The following MTMR12 variants were observed in gnomAD, a reference collection of about 807,000 sequenced individuals.
The protein encoded by MTMR12 is myotubularin related protein 12, also known as myotubularin-related protein 12.
A neutral mutation model predicts 96.7 loss-of-function variants in MTMR12; 33 were observed. The ratio of observed to expected loss-of-function variants is 0.34; its 90% CI spans 0.26 to 0.46. MTMR12 has a LOEUF of 0.46. Ranked by LOEUF, MTMR12 falls within the 20% of genes least tolerant of loss-of-function variation. The pLI, the probability that MTMR12 is intolerant of heterozygous loss-of-function variation, is 1.00. For missense variants in MTMR12, 721 were observed against 896.1 expected (o/e 0.80, Z 2.49); for synonymous variants, 298 against 327.2 (o/e 0.91, Z 0.96).
In MTMR12 at chr5:32,235,146, T is replaced by A; in HGVS notation, c.1345-17A>T. The A allele has an allele frequency of 6.2e-7, 1 of 1,606,136 alleles. No individual in the cohort carries two copies. Among genetic ancestry groups the A allele is most frequent in the Non-Finnish European group, 8.5e-7 (1 of 1,176,340 alleles). On this transcript the variant is annotated splice_polypyrimidine_tract_variant and intron_variant, in intron 13 of 15. Transcript: ENST00000382142. The stretch of plus-strand genomic sequence containing the variant: ...CACAGGAACCTGCATGAAAACAAGA[T>A]ACGTTACTTGGTGGGCAGAGCCCAG...
At position 32,271,364 on chromosome 5, in the gene MTMR12, T is replaced by C. The variant is rs1242847576; in HGVS notation, c.359-417A>G. ...CCAGAATGTGGACCCACTCAGCACCTAGTAGTCTGGAGAACATCATAAATG... is the reference window on the plus strand; with the variant it reads ...CCAGAATGTGGACCCACTCAGCACCCAGTAGTCTGGAGAACATCATAAATG... On this transcript the variant is annotated intron_variant, in intron 4 of 15. Coordinates refer to ENST00000382142, the MANE Select transcript of MTMR12 (RefSeq NM_001040446.3). Among the ~76,000 whole-genome samples, 9 of 152,344 alleles carry C rather than the reference T, an allele frequency of 5.9e-5. No individual in the cohort carries two copies. The East Asian group carries it at 1.7e-3, about 29-fold the overall frequency.
intron 6 of MTMR12, among the ~76,000 whole-genome samples, chr5:32,267,291 G>C (rs1041501922): frequency 1.3e-5 from 2 of 150,840 alleles, no homozygotes; most frequent in Non-Finnish European, 1.5e-5. Context: ...TGGGAGAATT[G>C]CTTGAACCCG....
At chr5:32,276,572 T>C (rs959433564) in intron 2 of MTMR12, 110 bp downstream of exon 2, 1 of 884,976 alleles carries the variant, frequency 1.1e-6, no homozygotes, top group African/African-American at 1.7e-5. Context: ...ATTACTGTTA[T>C]ATGTGAGAAG....
chr5:32,298,822 A>C (rs1751019913), intron 1 of MTMR12, among the ~76,000 whole-genome samples: 1 of 151,884 alleles, frequency 6.6e-6, no homozygotes, highest in African/African-American at 2.4e-5. Flanking sequence ...GCGTGGTGGC[A>C]GGCGTCTGTA....
intron 7 of MTMR12, among the ~76,000 whole-genome samples, chr5:32,258,154 C>T (rs1224136676): frequency 6.6e-6 from 1 of 151,840 alleles, no homozygotes; most frequent in Admixed American, 6.6e-5. Context: ...ACCAAAAAAT[C>T]TTAAAAGTAA....
intron 1 of MTMR12, among the ~76,000 whole-genome samples, chr5:32,292,116 G>A (rs2112133141): frequency 6.6e-6 from 1 of 152,298 alleles, no homozygotes; most frequent in East Asian, 1.9e-4. Flanking sequence ...CTATCATCCT[G>A]AAGCAGCTGG....
Position 32,248,736 on chromosome 5 carries a change from AACTGAACAAGAACAAAATGTAGAACTAGT to A in MTMR12, c.896+7_896+35del. On this transcript the variant is annotated splice_region_variant and intron_variant, in intron 9 of 15. Transcript: ENST00000382142. ...TGTTCCCTGCTTCTTGGAAAACAAGAACTGAACAAGAACAAAATGTAGAACTAGTACTGACCCATCTAAGAAGCTCTTTT... is the reference window on the plus strand; with the variant it reads ...TGTTCCCTGCTTCTTGGAAAACAAGAACTGACCCATCTAAGAAGCTCTTTT... The A allele has an allele frequency of 6.5e-7, 1 of 1,533,892 alleles. No homozygotes were observed.
At chr5:32,262,975 T>C in intron 7 of MTMR12, 138 bp downstream of exon 7, 12 of 1,087,600 alleles carry the variant, frequency 1.1e-5, no homozygotes, top group South Asian at 3.5e-5. Context: ...CCAATGGGTA[T>C]GGAGTTTCTT....
intron 1 of MTMR12, among the ~76,000 whole-genome samples, chr5:32,291,595 G>C (rs955841511): frequency 1.3e-5 from 2 of 152,116 alleles, no homozygotes; most frequent in Non-Finnish European, 2.9e-5. Flanking sequence ...AGTAGATAGG[G>C]TGACCCGTTC....
chr5:32,299,336 A>G (rs894022203), intron 1 of MTMR12, among the ~76,000 whole-genome samples: 1 of 152,200 alleles, frequency 6.6e-6, no homozygotes, highest in African/African-American at 2.4e-5. Flanking sequence ...CCTGTGTGAC[A>G]CCAAAGCCAT....
At chr5:32,237,462 C>T (rs1215910887) in intron 13 of MTMR12, among the ~76,000 whole-genome samples, 6 of 152,080 alleles carry the variant, frequency 3.9e-5, no homozygotes, top group East Asian at 3.9e-4. Flanking sequence ...TTCCCACCCA[C>T]GCTACCACTA....
intron 8 of MTMR12, among the ~76,000 whole-genome samples, chr5:32,251,032 C>T (rs543595911): frequency 5.8e-4 from 86 of 148,494 alleles, no homozygotes; most frequent in Non-Finnish European, 1.1e-3. Context: ...ACTCATTATT[C>T]GGTACATTTT....
In MTMR12 at chr5:32,236,762, A is replaced by G. The variant is rs143028758; in HGVS notation, c.1345-1633T>C. ...TGAGGCAGGAGAATCACTTGAACCC[A>G]GGAAGAGGAGGTGGCAATGAGCCAA... On this transcript the variant is annotated intron_variant, in intron 13 of 15. Transcript: ENST00000382142. 7.9e-3 allele frequency among the ~76,000 whole-genome samples: 1,196 copies of G among 151,836 alleles called. 18 individuals are homozygous for G. The highest frequency in any genetic ancestry group is 0.027 in the African/African-American group (1,098 of 41,380).
At chr5:32,289,733 T>C (rs969488659) in intron 1 of MTMR12, among the ~76,000 whole-genome samples, 7 of 152,180 alleles carry the variant, frequency 4.6e-5, no homozygotes, top group East Asian at 1.9e-4. Context: ...ATAATTGGCA[T>C]AGACATACTT....
intron 1 of MTMR12, among the ~76,000 whole-genome samples, chr5:32,306,639 A>G (rs150331826): frequency 0.015 from 2,336 of 152,166 alleles, 30 homozygotes; most frequent in Non-Finnish European, 0.024. Context: ...ACCTTTCCTG[A>G]GCTCATGTGA....
chr5:32,296,957 G>T (rs1438016428), intron 1 of MTMR12, among the ~76,000 whole-genome samples: 1 of 151,858 alleles, frequency 6.6e-6, no homozygotes, highest in Admixed American at 6.6e-5. Context: ...CAAAAAATTA[G>T]CTGGGCGTGA....
chr5:32,247,325 T>G (rs1748732522), intron 10 of MTMR12, among the ~76,000 whole-genome samples: 1 of 152,186 alleles, frequency 6.6e-6, no homozygotes, highest in South Asian at 2.1e-4. Context: ...CACTCCAGTC[T>G]GGATGACAGA....
chr5:32,247,531 CT>C (rs994849945), intron 10 of MTMR12, among the ~76,000 whole-genome samples: 22 of 152,134 alleles, frequency 1.4e-4, no homozygotes, highest in Non-Finnish European at 2.9e-4. Context: ...TCATTTTCTA[CT>C]TTGTACATTT....
intron 13 of MTMR12, among the ~76,000 whole-genome samples, chr5:32,236,290 G>A (rs1748224967): frequency 6.6e-6 from 1 of 152,174 alleles, no homozygotes; most frequent in Non-Finnish European, 1.5e-5. Context: ...GCTCATGTGT[G>A]TATTTCCAGC....
Sources: allele counts gnomAD v4.1 joint callset (sites outside exome capture counted in the v4.1 genomes callset), GRCh38; gene constraint gnomAD v4.1.1; transcripts MANE v1.5; gene names NCBI Gene and HGNC (gene_info 2026-07-23, HGNC 2026-07-21).